NINJ1: variants seen among roughly 807,000 people sequenced by gnomAD.
NINJ1 encodes ninjurin-1.
In NINJ1, 6 loss-of-function variants were observed where a neutral mutation model predicts 12.7. That is an observed-to-expected ratio of 0.47 (90% CI 0.26 to 0.93). The LOEUF (loss-of-function observed/expected upper bound fraction) is 0.93, where lower values mean the gene tolerates loss of function less well. NINJ1 is among the 40% of genes least tolerant of loss of function. NINJ1 has a pLI of 0.15. For synonymous variants in NINJ1, 100 were observed against 96.0 expected (o/e 1.04, Z -0.25); for missense variants, 170 against 213.0 (o/e 0.80, Z 1.26).
rs1268311665 is a variant in NINJ1, at chr9:93,122,737, C to CT, written c.*10-508dup. On this transcript the variant is annotated intron_variant, in intron 3 of 3. Coordinates refer to ENST00000375446, the MANE Select transcript of NINJ1 (RefSeq NM_004148.4). Reference sequence around the variant, plus strand: ...GCCACCCACGAAGCCTGAGACCTCTCTGACTGCTCCACGCAGGACACACAG... The same window carrying CT: ...GCCACCCACGAAGCCTGAGACCTCTCTTGACTGCTCCACGCAGGACACACAG... 2.0e-5 allele frequency among the ~76,000 whole-genome samples: 3 copies of CT among 152,212 alleles called. No homozygotes were observed. In the South Asian group the frequency reaches 6.2e-4, roughly 32 times the overall value.
intron 2 of NINJ1, 182 bp downstream of exon 2, chr9:93,126,228 A>C (rs1183740956): frequency 6.2e-5 from 32 of 515,106 alleles, no homozygotes; most frequent in Non-Finnish European, 8.8e-5. Context: ...CAAAAACCAA[A>C]GTGCAGGGTG....
intron 1 of NINJ1, among the ~76,000 whole-genome samples, chr9:93,130,922 T>G (rs1189936296): frequency 6.6e-6 from 1 of 152,218 alleles, no homozygotes; most frequent in Non-Finnish European, 1.5e-5. Flanking sequence ...ACACCTTGGC[T>G]GCTCGCAGCC....
intron 1 of NINJ1, among the ~76,000 whole-genome samples, chr9:93,133,024 A>G (rs1214609929): frequency 6.6e-6 from 1 of 152,210 alleles, no homozygotes; most frequent in Non-Finnish European, 1.5e-5. Context: ...CAACTTCCCA[A>G]GGACACACAG....
intron 3 of NINJ1, among the ~76,000 whole-genome samples, chr9:93,122,675 C>T (rs1223383660): frequency 1.3e-5 from 2 of 152,168 alleles, no homozygotes; most frequent in African/African-American, 4.8e-5. Flanking sequence ...AGGCCTGGCC[C>T]AGCATGGGGG....
intron 2 of NINJ1, 118 bp downstream of exon 2, chr9:93,126,292 G>A (rs999228153): frequency 1.3e-6 from 1 of 790,372 alleles, no homozygotes; most frequent in Non-Finnish European, 2.0e-6. Flanking sequence ...TGAGGGCCAG[G>A]AACTCGGCAG....
In NINJ1 at chr9:93,134,175, G is replaced by T; in HGVS notation, c.43C>A (p.Pro15Thr). The T allele has an allele frequency of 1.3e-6, 2 of 1,553,140 alleles. No homozygotes were observed. The highest frequency in any genetic ancestry group is 8.7e-7 in the Non-Finnish European group (1 of 1,149,418). ...TEEYELNGGL[P>T]PGTPGSPDAS... ...TCCGGGGAGCCGGGTGTGCCCGGAGGCAGGCCGCCGTTGAGCTCGTACTCC... is the reference window on the plus strand; with the variant it reads ...TCCGGGGAGCCGGGTGTGCCCGGAGTCAGGCCGCCGTTGAGCTCGTACTCC... The change falls in exon 1 of 4, where the codon CCT (proline) becomes ACT (threonine). Residue 15 changes from proline (P) to threonine (T), a missense_variant. Physicochemically the swap from Pro to Thr is conservative, Grantham distance 38. Transcript: ENST00000375446.
intron 1 of NINJ1, among the ~76,000 whole-genome samples, chr9:93,133,604 T>A (rs563217996): frequency 2.0e-4 from 30 of 152,336 alleles, no homozygotes; most frequent in African/African-American, 6.7e-4. Context: ...GTGAGTGGAA[T>A]AGGGACCACA....
intron 2 of NINJ1, 149 bp from the exon 3 acceptor site, chr9:93,125,211 C>T: frequency 1.3e-6 from 1 of 756,928 alleles, no homozygotes; most frequent in Non-Finnish European, 2.0e-6. Context: ...TTTTGTCGCC[C>T]AGAGAAAAAT....
intron 1 of NINJ1, among the ~76,000 whole-genome samples, chr9:93,133,881 C>A (rs980050244): frequency 2.0e-5 from 3 of 152,184 alleles, no homozygotes; most frequent in Non-Finnish European, 4.4e-5. Flanking sequence ...TGCAGCCAAG[C>A]GCGGGCGCTG....
intron 1 of NINJ1, among the ~76,000 whole-genome samples, chr9:93,130,499 C>T (rs534124318): frequency 1.9e-4 from 29 of 152,350 alleles, no homozygotes; most frequent in African/African-American, 6.7e-4. Context: ...GCATATCAGT[C>T]GCCCTTTCCA....
intron 1 of NINJ1, among the ~76,000 whole-genome samples, chr9:93,132,089 C>G (rs1009394016): frequency 3.9e-5 from 6 of 152,086 alleles, no homozygotes; most frequent in Admixed American, 6.6e-5. Flanking sequence ...CCTCACCACT[C>G]TCTATGGCAG....
chr9:93,132,362 T>A (rs1295392451), intron 1 of NINJ1, among the ~76,000 whole-genome samples: 1 of 152,144 alleles, frequency 6.6e-6, no homozygotes, highest in Non-Finnish European at 1.5e-5. Context: ...GCAAGGCCCC[T>A]CCCATCGGCC....
At chr9:93,126,702 G>C (rs577503592) in intron 1 of NINJ1, 64 bp from the exon 2 acceptor site, 17 of 1,311,822 alleles carry the variant, frequency 1.3e-5, no homozygotes, top group Admixed American at 1.2e-4. Context: ...TGCCTGAGTC[G>C]GGCTCTGGGG....
intron 1 of NINJ1, among the ~76,000 whole-genome samples, chr9:93,132,064 C>G (rs1827902954): frequency 6.6e-6 from 1 of 152,180 alleles, no homozygotes; most frequent in Admixed American, 6.5e-5. Context: ...ACTTCATATA[C>G]ATCAGCTACT....
chr9:93,128,770 C>CATCT (rs367638167), intron 1 of NINJ1, among the ~76,000 whole-genome samples: 10 of 151,196 alleles, frequency 6.6e-5, no homozygotes, highest in African/African-American at 2.0e-4. Context: ...CTTCTGGGGG[C>CATCT]ATCTACACAT....
intron 3 of NINJ1, among the ~76,000 whole-genome samples, chr9:93,123,377 C>T (rs1171353838): frequency 6.6e-6 from 1 of 152,156 alleles, no homozygotes; most frequent in Non-Finnish European, 1.5e-5. Flanking sequence ...CTCCACCTTC[C>T]AGGTTCAAGC....
chr9:93,124,912 T>C lies in NINJ1; in HGVS notation c.455A>G (p.Gln152Arg), dbSNP rs747516748. 3 of 1,609,134 alleles carry C rather than the reference T, an allele frequency of 1.9e-6. No homozygotes were observed. In the Admixed American group the frequency reaches 5.1e-5, roughly 27 times the overall value. ...CTCCCAGCTCACCTGGGTGTCCTAC[T>C]GCTGGGGTGCCATGTCCATCAAGGG... ...QKPLMDMAPQ[Q>R] Residue 152 changes from glutamine (Q) to arginine (R), a missense_variant, in exon 3 of 4, where the codon CAG becomes CGG. Coordinates refer to ENST00000375446, the MANE Select transcript of NINJ1 (RefSeq NM_004148.4).
rs771983861 is a variant in NINJ1 at position 93,126,599 on chromosome 9, T to A, written c.115A>T (p.Asn39Tyr). 10 of 1,611,644 alleles carry A rather than the reference T, an allele frequency of 6.2e-6. No homozygotes were observed. Among genetic ancestry groups the A allele is most frequent in the Non-Finnish European group, 7.6e-6 (9 of 1,178,682 alleles). The change falls in exon 2 of 4, where the codon AAC becomes TAC. Residue 39 changes from asparagine to tyrosine, a missense_variant. Physicochemically the swap from Asn to Tyr is moderately radical, Grantham distance 143. Transcript: ENST00000375446. ...WGWRHGPINV[N>Y]HYASKKSAAE... Reference sequence around the variant, plus strand: ...GCGCTCTTCTTGCTGGCGTAATGGTTCACGTTGATGGGCCCGTGCCTCCAG... The same window carrying A: ...GCGCTCTTCTTGCTGGCGTAATGGTACACGTTGATGGGCCCGTGCCTCCAG...
Position 93,126,438 on chromosome 9 carries a change from G to T in NINJ1, c.276C>A (p.Ile92=), listed in dbSNP as rs770617886. 6.2e-6 allele frequency: 10 copies of T among 1,613,986 alleles called. No homozygotes were observed. Among genetic ancestry groups the T allele is most frequent in the South Asian group, 1.1e-5 (1 of 91,056 alleles). ...GGAAGATGAGCAGCACCCCCACGCCGATCTGCAGCACAAGGGAGATGGAGA... is the reference window on the plus strand; with the variant it reads ...GGAAGATGAGCAGCACCCCCACGCCTATCTGCAGCACAAGGGAGATGGAGA... The part of the protein sequence containing the change: ...VLISISLVLQ[I]GVGVLLIFLV... Residue 92 remains isoleucine, a synonymous_variant, in exon 2 of 4, where the codon ATC becomes ATA. Coordinates refer to ENST00000375446, the MANE Select transcript of NINJ1 (RefSeq NM_004148.4).
Sources: allele counts gnomAD v4.1 joint callset (sites outside exome capture counted in the v4.1 genomes callset), GRCh38; gene constraint gnomAD v4.1.1; transcripts MANE v1.5; gene names NCBI Gene and HGNC (gene_info 2026-07-23, HGNC 2026-07-21).